The following TENM3 variants were observed in gnomAD, a reference collection of about 807,000 sequenced individuals.
TENM3 encodes teneurin transmembrane protein 3, also known as teneurin-3.
A neutral mutation model predicts 255.1 loss-of-function variants in TENM3; 63 were observed. The ratio of observed to expected loss-of-function variants is 0.25; its 90% confidence interval spans 0.20 to 0.30. TENM3 has a LOEUF of 0.30. TENM3 is among the 10% of genes least tolerant of loss of function. TENM3 has a pLI of 1.00. For synonymous variants in TENM3, 1,306 were observed against 1,322.3 expected (o/e 0.99, Z 0.27); for missense variants, 2,929 against 3,461.1 (o/e 0.85, Z 3.86).
chr4:182,130,306 G>A, the TENM3 span, among the ~76,000 whole-genome samples: 1 of 152,172 alleles, frequency 6.6e-6, no homozygotes, highest in Non-Finnish European at 1.5e-5. Context: ...AATTCCATTA[G>A]TGGTATTGTC....
the TENM3 span, among the ~76,000 whole-genome samples, chr4:181,846,684 A>G: frequency 2.0e-5 from 3 of 152,070 alleles, no homozygotes; most frequent in Non-Finnish European, 4.4e-5. Flanking sequence ...AGTGTTCATT[A>G]GTTGATTCCC....
In TENM3 at chr4:182,603,786, C is replaced by A. The variant is rs1042549208; in HGVS notation, c.749+2625C>A. Among the ~76,000 whole-genome samples the A allele has an allele frequency of 1.3e-4, 13 of 98,320 alleles. 2 individuals carry two copies. The highest frequency in any genetic ancestry group is 2.0e-4 in the Non-Finnish European group (9 of 43,914). 64.5% of individuals were successfully genotyped at this position (98,320 alleles called of 152,430 possible). On this transcript the variant is annotated intron_variant, in intron 4 of 27. Coordinates refer to ENST00000511685, the MANE Select transcript of TENM3 (RefSeq NM_001080477.4). ...TTATTTATATATATATATATATATA[C>A]ACACACACACCGATTTTGCTAATTC...
chr4:181,457,477 T>C, the TENM3 span, among the ~76,000 whole-genome samples: 10 of 151,808 alleles, frequency 6.6e-5, no homozygotes, highest in Admixed American at 6.6e-4. Context: ...ACCCTGTCAC[T>C]TCAGGGGAAG....
chr4:182,705,613 T>G (rs1283993492), intron 12 of TENM3, among the ~76,000 whole-genome samples: 7 of 152,222 alleles, frequency 4.6e-5, no homozygotes, highest in Non-Finnish European at 7.3e-5. Context: ...TTGGTTTGCC[T>G]TTGTTGCTTC....
intron 3 of TENM3, among the ~76,000 whole-genome samples, chr4:182,588,566 TTA>T (rs1466471587): frequency 6.6e-6 from 1 of 152,182 alleles, no homozygotes; most frequent in Non-Finnish European, 1.5e-5. Context: ...GTTGATTGAT[TTA>T]TGTCAGTTCT....
At chr4:182,526,431 C>T (rs1441292989) in intron 3 of TENM3, among the ~76,000 whole-genome samples, 1 of 152,102 alleles carries the variant, frequency 6.6e-6, no homozygotes, top group South Asian at 2.1e-4. Context: ...TCTTTTTTCA[C>T]TTTCCTTTTG....
intron 2 of TENM3, among the ~76,000 whole-genome samples, chr4:182,333,370 G>A (rs1763902808): frequency 6.6e-6 from 1 of 152,162 alleles, no homozygotes; most frequent in Non-Finnish European, 1.5e-5. Context: ...AGAATAATAT[G>A]CTAGACCAAA....
At chr4:182,653,099 T>C (rs933318944) in intron 5 of TENM3, among the ~76,000 whole-genome samples, 2 of 152,146 alleles carry the variant, frequency 1.3e-5, no homozygotes, top group African/African-American at 4.8e-5. Flanking sequence ...TAATCATAAA[T>C]TTTAATAAAT....
chr4:182,575,436 T>C (rs1744824942), intron 3 of TENM3, among the ~76,000 whole-genome samples: 1 of 152,170 alleles, frequency 6.6e-6, no homozygotes, highest in Admixed American at 6.5e-5. Flanking sequence ...AGTCAGTACA[T>C]GAACGAGTGG....
At chr4:181,864,575 G>A in the TENM3 span, among the ~76,000 whole-genome samples, 3 of 152,144 alleles carry the variant, frequency 2.0e-5, no homozygotes, top group Non-Finnish European at 1.5e-5. Context: ...CACGAACTGG[G>A]AAACCGGTGT....
At chr4:182,765,929 T>TA (rs1412018709) in intron 22 of TENM3, among the ~76,000 whole-genome samples, 1 of 152,230 alleles carries the variant, frequency 6.6e-6, no homozygotes, top group Non-Finnish European at 1.5e-5. Context: ...CTAAAACAGT[T>TA]ATGCATATTG....
chr4:182,539,616 A>G lies in TENM3; in HGVS notation c.512-61308A>G, dbSNP rs145482683. On this transcript the variant is annotated intron_variant, in intron 3 of 27. Coordinates refer to ENST00000511685, the MANE Select transcript of TENM3 (RefSeq NM_001080477.4). ...CCAGGTTTGTGATCATCAACAAACCATAAGGATCATTCGAACGATATTAAA... is the reference window on the plus strand; with the variant it reads ...CCAGGTTTGTGATCATCAACAAACCGTAAGGATCATTCGAACGATATTAAA... Among the ~76,000 whole-genome samples, 802 of 152,358 alleles carry G rather than the reference A, an allele frequency of 5.3e-3. 7 individuals are homozygous for G. Among genetic ancestry groups the G allele is most frequent in the African/African-American group, 0.018 (767 of 41,598 alleles).
At chr4:181,478,165 T>C in the TENM3 span, among the ~76,000 whole-genome samples, 1 of 152,222 alleles carries the variant, frequency 6.6e-6, no homozygotes, top group Non-Finnish European at 1.5e-5. Context: ...GTAGACATTC[T>C]CTTCAAAAAG....
chr4:182,333,059 G>T (rs1341443573), intron 2 of TENM3, among the ~76,000 whole-genome samples: 1 of 152,110 alleles, frequency 6.6e-6, no homozygotes. Flanking sequence ...AGATGAGAAA[G>T]GTGATTAAAA....
At chr4:182,065,096 G>A in the TENM3 span, among the ~76,000 whole-genome samples, 1 of 149,394 alleles carries the variant, frequency 6.7e-6, no homozygotes. Flanking sequence ...GTGCAGTGGT[G>A]CAATCTCAGC....
At chr4:181,605,584 G>GAAAGAAAAGAAAGAAAGAAA in the TENM3 span, among the ~76,000 whole-genome samples, 7 of 69,194 alleles carry the variant, frequency 1.0e-4, no homozygotes, top group African/African-American at 4.0e-4. Flanking sequence ...GAGAAAGAAA[G>GAAAGAAAAGAAAGAAAGAAA]GAAAGAAAGA....
At position 182,426,007 on chromosome 4, in the gene TENM3, C is replaced by CAAAAAAAAAAAAAAAAA. The variant is rs55836889; in HGVS notation, c.511+79085_511+79101dup. ...TAAGAGACAGAGCGAGAGTCCATGT[C>CAAAAAAAAAAAAAAAAA]AAAAAAAAAAAAAAAAAAAAAAACA... On this transcript the variant is annotated intron_variant, in intron 3 of 27. Transcript: ENST00000511685. 3.0e-4 allele frequency among the ~76,000 whole-genome samples: 27 copies of CAAAAAAAAAAAAAAAAA among 90,760 alleles called. 2 individuals carry two copies. The highest frequency in any genetic ancestry group is 4.6e-4 in the Non-Finnish European group (21 of 45,384). 59.5% of individuals were successfully genotyped at this position (90,760 alleles called of 152,430 possible). A position where few individuals can be genotyped will look rare whatever the true frequency, so the allele number is the denominator to read the frequency against.
intron 4 of TENM3, among the ~76,000 whole-genome samples, chr4:182,619,884 A>C (rs1749934880): frequency 6.6e-6 from 1 of 152,226 alleles, no homozygotes; most frequent in Non-Finnish European, 1.5e-5. Flanking sequence ...ACATCAGAAC[A>C]AAAGGTGTGC....
the TENM3 span, among the ~76,000 whole-genome samples, chr4:181,863,522 T>C: frequency 1.3e-5 from 2 of 152,176 alleles, no homozygotes; most frequent in Non-Finnish European, 2.9e-5. Context: ...GTTCTCATGA[T>C]ACCTGAATAA....
Sources: allele counts gnomAD v4.1 joint callset (sites outside exome capture counted in the v4.1 genomes callset), GRCh38; gene constraint gnomAD v4.1.1; transcripts MANE v1.5; gene names NCBI Gene and HGNC (gene_info 2026-07-23, HGNC 2026-07-21).